Variants in ELAVL4 observed in about 807,000 individuals in gnomAD.
The protein encoded by ELAVL4 is ELAV like RNA binding protein 4, also known as ELAV-like protein 4.
ELAVL4 carries 1 observed loss-of-function variant against 35.6 expected under a neutral mutation model. The ratio of observed to expected loss-of-function variants is 0.03; its 90% CI spans 0.01 to 0.13. The LOEUF is 0.13. Among genes scored for constraint, ELAVL4 ranks in the 10% least tolerant of loss-of-function variants. The pLI, the probability that ELAVL4 is intolerant of heterozygous loss-of-function variation, is 1.00. For synonymous variants in ELAVL4, 156 were observed against 171.0 expected, an observed-to-expected ratio of 0.91 and a Z score of 0.69; for missense variants, 267 against 464.9, an observed-to-expected ratio of 0.57 and a Z score of 3.91.
intron 1 of ELAVL4, among the ~76,000 whole-genome samples, chr1:50,118,816 A>G (rs1668396844): frequency 6.6e-6 from 1 of 151,958 alleles, no homozygotes. Flanking sequence ...TCTACTTCAT[A>G]TGCTTACAGG....
At chr1:50,080,331 A>G (rs1238623645) in intron 1 of ELAVL4, among the ~76,000 whole-genome samples, 2 of 152,134 alleles carry the variant, frequency 1.3e-5, no homozygotes, top group Middle Eastern at 3.2e-3. Flanking sequence ...AAGAATATTG[A>G]GCAACTATGA....
intron 1 of ELAVL4, among the ~76,000 whole-genome samples, chr1:50,110,921 A>G (rs1478856813): frequency 6.6e-6 from 1 of 151,910 alleles, no homozygotes; most frequent in Non-Finnish European, 1.5e-5. Flanking sequence ...GGAGAAGCCG[A>G]GTAGGGAGCA....
chr1:50,150,819 ATTGGCATAATT>A (rs1296133892), intron 2 of ELAVL4, among the ~76,000 whole-genome samples: 2 of 152,360 alleles, frequency 1.3e-5, no homozygotes, highest in Non-Finnish European at 2.9e-5. Flanking sequence ...AGGTGAGTTT[ATTGGCATAATT>A]TCTTACAACA....
chr1:50,197,305 C>A, intron 5 of ELAVL4, 124 bp from the exon 6 acceptor site: 1 of 928,552 alleles, frequency 1.1e-6, no homozygotes, highest in Admixed American at 2.8e-5. Context: ...GGATAGACTC[C>A]TAAGCAGTGG....
At chr1:50,186,173 C>T (rs1285625511) in intron 3 of ELAVL4, among the ~76,000 whole-genome samples, 2 of 152,210 alleles carry the variant, frequency 1.3e-5, no homozygotes, top group East Asian at 1.9e-4. Context: ...TTATGATATT[C>T]GTAGATACCC....
intron 1 of ELAVL4, among the ~76,000 whole-genome samples, chr1:50,064,572 C>T (rs1664168279): frequency 6.6e-6 from 1 of 152,094 alleles, no homozygotes; most frequent in Non-Finnish European, 1.5e-5. Flanking sequence ...AGGAATTGGC[C>T]TTGTCCAAAG....
chr1:50,077,972 C>T (rs1664838622), intron 1 of ELAVL4, among the ~76,000 whole-genome samples: 1 of 152,070 alleles, frequency 6.6e-6, no homozygotes, highest in African/African-American at 2.4e-5. Context: ...GGTTTCAATC[C>T]CAGCTCTGTC....
chr1:50,138,262 T>C (rs1251592174), intron 1 of ELAVL4, among the ~76,000 whole-genome samples: 1 of 151,988 alleles, frequency 6.6e-6, no homozygotes, highest in Non-Finnish European at 1.5e-5. Flanking sequence ...ATGCTGCAGG[T>C]TCGAATGGGA....
chr1:50,109,852 A>G, intron 1 of ELAVL4: 1 of 1,551,534 alleles, frequency 6.4e-7, no homozygotes, highest in Non-Finnish European at 8.8e-7. Context: ...TCTGGGCAGC[A>G]GCTCTGTAAG....
chr1:50,188,525 T>A (rs1301090688), intron 3 of ELAVL4, among the ~76,000 whole-genome samples: 1 of 152,212 alleles, frequency 6.6e-6, no homozygotes. Flanking sequence ...TATGGAATCC[T>A]AAGGTCATCT....
chr1:50,057,978 G>A (rs557258606), intron 1 of ELAVL4, among the ~76,000 whole-genome samples: 64 of 152,284 alleles, frequency 4.2e-4, no homozygotes, highest in African/African-American at 1.4e-3. Flanking sequence ...AATTATGCAA[G>A]CAAAGCTAGA....
intron 1 of ELAVL4, among the ~76,000 whole-genome samples, chr1:50,120,483 C>G (rs1668842965): frequency 1.3e-5 from 2 of 152,002 alleles, no homozygotes; most frequent in African/African-American, 4.8e-5. Flanking sequence ...TAGGAAGGTT[C>G]AGTTGTTTTG....
At chr1:50,077,146 T>A (rs976735710) in intron 1 of ELAVL4, among the ~76,000 whole-genome samples, 1 of 152,134 alleles carries the variant, frequency 6.6e-6, no homozygotes, top group African/African-American at 2.4e-5. Flanking sequence ...CCCAGTTCTA[T>A]CCCATGTTAG....
intron 1 of ELAVL4, among the ~76,000 whole-genome samples, chr1:50,115,564 A>C (rs1260534948): frequency 6.6e-6 from 1 of 152,144 alleles, no homozygotes; most frequent in Non-Finnish European, 1.5e-5. Context: ...ATAGTTCATA[A>C]ATATTTTTTC....
chr1:50,155,884 T>C (rs756909232), intron 2 of ELAVL4, among the ~76,000 whole-genome samples: 2 of 152,168 alleles, frequency 1.3e-5, no homozygotes, highest in Non-Finnish European at 2.9e-5. Context: ...CCACCTTTGC[T>C]CTTCCCAGTG....
chr1:50,109,015 T>TGGGGGGGGGGGG lies in ELAVL4; in HGVS notation c.-175_-174insGGGGGGGGGGGG. On this transcript the variant is annotated 5_prime_UTR_variant, in exon 1 of 7. Transcript: ENST00000371824. ...GCTCCTTTTCTTTTTTTTCTTTCTC[T>TGGGGGGGGGGGG]CCCCCGCCCACCCCCCCAAAAATAA... 1.0e-6 allele frequency: 1 copy of TGGGGGGGGGGGG among 961,040 alleles called. No individual in the cohort carries two copies. The highest frequency in any genetic ancestry group is 1.2e-6 in the Non-Finnish European group (1 of 816,926). The allele number at this position is 961,040 out of a possible 1,614,324, so 59.5% of individuals were successfully genotyped here.
intron 3 of ELAVL4, among the ~76,000 whole-genome samples, chr1:50,186,543 G>A (rs1681854631): frequency 6.6e-6 from 1 of 152,218 alleles, no homozygotes; most frequent in Admixed American, 6.5e-5. Flanking sequence ...TGGGACTCGT[G>A]GAGGAGGTGG....
chr1:50,092,476 A>G (rs1028220054), intron 1 of ELAVL4, among the ~76,000 whole-genome samples: 1 of 152,210 alleles, frequency 6.6e-6, no homozygotes, highest in Non-Finnish European at 1.5e-5. Context: ...TAAAAGTAAA[A>G]GAAGATATTC....
intron 3 of ELAVL4, among the ~76,000 whole-genome samples, chr1:50,193,396 A>G (rs1682974288): frequency 1.3e-5 from 2 of 149,734 alleles, no homozygotes; most frequent in African/African-American, 4.9e-5. Flanking sequence ...TTATTCAAAG[A>G]TTATTATGTG....
Sources: allele counts gnomAD v4.1 joint callset (sites outside exome capture counted in the v4.1 genomes callset), GRCh38; gene constraint gnomAD v4.1.1; transcripts MANE v1.5; gene names NCBI Gene and HGNC (gene_info 2026-07-23, HGNC 2026-07-21).